The following SLIT1 variants were observed in gnomAD, a reference collection of about 807,000 sequenced individuals.
SLIT1 encodes the protein slit homolog 1 protein.
A neutral mutation model predicts 186.1 loss-of-function variants in SLIT1; 66 were observed. The ratio of observed to expected loss-of-function variants is 0.35; its 90% CI spans 0.29 to 0.44. The LOEUF (loss-of-function observed/expected upper bound fraction) is 0.44. Among genes scored for constraint, SLIT1 ranks in the 20% least tolerant of loss-of-function variants. SLIT1 has a pLI of 1.00. For synonymous variants in SLIT1, 761 were observed against 833.8 expected (o/e 0.91, Z 1.50); for missense variants, 1,638 against 2,037.4 (o/e 0.80, Z 3.77).
intron 4 of SLIT1, among the ~76,000 whole-genome samples, chr10:97,114,000 G>A (rs778577319): frequency 5.3e-5 from 8 of 152,228 alleles, no homozygotes; most frequent in South Asian, 4.1e-4. Flanking sequence ...CATCCACCCC[G>A]CTACCAGGTG....
chr10:97,021,141 C>A lies in SLIT1; in HGVS notation c.2746+109G>T, dbSNP rs1483542653. ...CAGGTGCCTTGTTCCTGTCCCCTGA[C>A]CCCCCGCCCAGCGGTCACCACAGGG... On this transcript the variant is annotated intron_variant, in intron 26 of 36. Coordinates refer to ENST00000266058, the MANE Select transcript of SLIT1 (RefSeq NM_003061.3). This position sits in a 1 kb window ranked among gnomAD's most constrained non-coding sequence, Gnocchi z 4.5. 2 of 1,080,552 alleles carry A rather than the reference C, an allele frequency of 1.9e-6. No individual in the cohort carries two copies. Among genetic ancestry groups the A allele is most frequent in the East Asian group, 2.8e-5 (1 of 36,342 alleles). 66.9% of individuals were successfully genotyped at this position (1,080,552 alleles called of 1,614,324 possible).
At chr10:97,153,543 T>C (rs1448149255) in intron 4 of SLIT1, 2 of 93,864 alleles carry the variant, frequency 2.1e-5, no homozygotes, top group Admixed American at 1.4e-4. Flanking sequence ...GGCACTGCCT[T>C]CTAAGGGAAT....
At chr10:97,089,102 T>C (rs1339126109) in intron 4 of SLIT1, among the ~76,000 whole-genome samples, 1 of 151,978 alleles carries the variant, frequency 6.6e-6, no homozygotes, top group Admixed American at 6.6e-5. Flanking sequence ...CAGGTGCCAG[T>C]GCCACCACAG....
In SLIT1 at chr10:97,040,066, C is replaced by A; in HGVS notation, c.2219G>T (p.Cys740Phe). The change falls in exon 21 of 37, where the codon TGC becomes TTC. Residue 740 changes from cysteine (C) to phenylalanine (F), a missense_variant. Physicochemically the swap from Cys to Phe is radical, Grantham distance 205. Around this residue, in one of 3 missense-constraint regions of SLIT1, gnomAD observed 1,245 missense variants for 1,535.3 expected, o/e 0.81. Coordinates refer to ENST00000266058, the MANE Select transcript of SLIT1 (RefSeq NM_003061.3). Reference sequence around the variant, plus strand: ...GCTGCATCGGACCACGGTGTCCAGGCAGGCGCACTCCTGTGGGCACTGTGG... The same window carrying A: ...GCTGCATCGGACCACGGTGTCCAGGAAGGCGCACTCCTGTGGGCACTGTGG... ...PRPQCPQECA[C>F]LDTVVRCSNK... The A allele has an allele frequency of 6.2e-7, 1 of 1,610,414 alleles. No individual in the cohort carries two copies. The highest frequency in any genetic ancestry group is 1.1e-5 in the South Asian group (1 of 90,388).
chr10:97,049,455 G>T (rs1021584451), intron 13 of SLIT1, among the ~76,000 whole-genome samples: 16 of 152,226 alleles, frequency 1.1e-4, no homozygotes, highest in Non-Finnish European at 1.9e-4. Context: ...AGCGGAGACA[G>T]GAAGGACCCA....
intron 28 of SLIT1, among the ~76,000 whole-genome samples, chr10:97,014,693 G>A (rs901861931): frequency 6.6e-6 from 1 of 151,988 alleles, no homozygotes; most frequent in Non-Finnish European, 1.5e-5. Context: ...ATGGGGAAAC[G>A]CTGTCTCTAT....
rs538109190 is a variant in SLIT1 at position 97,064,174 on chromosome 10, C to T, written c.623G>A (p.Arg208Gln). 3.1e-6 allele frequency: 5 copies of T among 1,612,908 alleles called. No homozygotes were observed. The highest frequency in any genetic ancestry group is 1.3e-5 in the African/African-American group (1 of 75,008). ...VSSFNHMPKL[R>Q]TFRLHSNHLF... ...GCTGCCCCGGCTGACTCACAAGGTC[C>T]GTAGCTTGGGCATATGGTTGAAGCT... is the stretch of plus-strand genomic sequence containing the variant. The change falls in exon 7 of 37, where the codon CGG (arginine) becomes CAG (glutamine). Residue 208 changes from arginine to glutamine, a missense_variant. Around this residue, in one of 3 missense-constraint regions of SLIT1, gnomAD observed 1,245 missense variants for 1,535.3 expected, o/e 0.81. Transcript: ENST00000266058.
rs1848916224 is a variant in SLIT1, at chr10:97,063,698, G to C, written c.630-80C>G. The C allele has an allele frequency of 3.5e-6, 5 of 1,448,002 alleles. No individual in the cohort carries two copies. In the South Asian group the frequency reaches 4.2e-5, roughly 12 times the overall value. 89.7% of individuals were successfully genotyped at this position (1,448,002 alleles called of 1,614,324 possible). A position where few individuals can be genotyped will look rare whatever the true frequency, so the allele number is the denominator to read the frequency against. ...TTGTGGGAACCCCAATCTCAGGCAG[G>C]AGGCTGCCCCCGGTGCTGTGTTCAA... On this transcript the variant is annotated intron_variant, in intron 7 of 36. Transcript: ENST00000266058.
intron 5 of SLIT1, chr10:97,065,498 C>T (rs1564666401): frequency 6.3e-6 from 1 of 157,918 alleles, no homozygotes; most frequent in African/African-American, 2.4e-5. Context: ...TAATAATAAG[C>T]CATTACATTT....
intron 4 of SLIT1, among the ~76,000 whole-genome samples, chr10:97,109,889 C>T (rs918771715): frequency 9.2e-5 from 14 of 152,166 alleles, no homozygotes; most frequent in African/African-American, 2.7e-4. Flanking sequence ...TCTTGCAAAC[C>T]TCCATTAAAT....
chr10:97,094,861 T>C (rs1012767128), intron 4 of SLIT1, among the ~76,000 whole-genome samples: 6 of 152,252 alleles, frequency 3.9e-5, no homozygotes, highest in Non-Finnish European at 7.3e-5. Context: ...GAAGAACTTT[T>C]ACAATTTATG....
intron 4 of SLIT1, among the ~76,000 whole-genome samples, chr10:97,120,881 A>C (rs1183637004): frequency 1.3e-5 from 2 of 152,196 alleles, no homozygotes; most frequent in South Asian, 2.1e-4. Context: ...GCCGATCCAA[A>C]TAAAATGCTT....
At chr10:97,170,778 AAC>A (rs2134736443) in intron 1 of SLIT1, among the ~76,000 whole-genome samples, 1 of 152,312 alleles carries the variant, frequency 6.6e-6, no homozygotes, top group Admixed American at 6.5e-5. Context: ...GAAAAACAAA[AAC>A]ACACAAGGAT....
At chr10:97,051,081 C>T (rs1271846963) in intron 13 of SLIT1, among the ~76,000 whole-genome samples, 4 of 152,212 alleles carry the variant, frequency 2.6e-5, no homozygotes, top group Admixed American at 2.6e-4. Context: ...ACAGTTCTGG[C>T]AGTGGAAGGA....
chr10:97,025,865 CCT>C (rs1848540561), intron 25 of SLIT1, among the ~76,000 whole-genome samples: 1 of 152,200 alleles, frequency 6.6e-6, no homozygotes, highest in African/African-American at 2.4e-5. Flanking sequence ...CCATCCCACT[CCT>C]AGGCGATCTA....
chr10:97,025,387 C>G (rs1848535795), intron 25 of SLIT1, among the ~76,000 whole-genome samples: 2 of 152,244 alleles, frequency 1.3e-5, no homozygotes, highest in Non-Finnish European at 2.9e-5. Flanking sequence ...TTGGCCCACA[C>G]TTGCTTTTCC....
chr10:97,040,793 A>G (rs1848683913), intron 20 of SLIT1, among the ~76,000 whole-genome samples: 1 of 152,150 alleles, frequency 6.6e-6, no homozygotes, highest in Admixed American at 6.5e-5. Flanking sequence ...CTATTCAAAA[A>G]ATCTGTGCCT....
At chr10:97,078,258 T>C (rs911252924) in intron 4 of SLIT1, among the ~76,000 whole-genome samples, 4 of 152,066 alleles carry the variant, frequency 2.6e-5, no homozygotes, top group Non-Finnish European at 4.4e-5. Context: ...CCCACCCACA[T>C]TTACTGAGCA....
At chr10:97,017,934 C>T (rs1213251830) in intron 28 of SLIT1, among the ~76,000 whole-genome samples, 4 of 151,756 alleles carry the variant, frequency 2.6e-5, no homozygotes, top group Middle Eastern at 3.4e-3. Flanking sequence ...CTGCAACCTC[C>T]GCCTTCCAGT....
Sources: gnomAD v4.1 joint callset for allele counts (sites outside exome capture counted in the v4.1 genomes callset) on GRCh38, gnomAD v4.1.1 for gene constraint, gnomAD v4.1.1 regional missense constraint, Gnocchi (gnomAD v3.1) non-coding constraint, MANE v1.5 for transcripts, NCBI Gene and HGNC (gene_info 2026-07-23, HGNC 2026-07-21) for gene names.